TSPAN7: variants seen among roughly 807,000 people sequenced by gnomAD.
The protein encoded by TSPAN7 is tetraspanin 7.
A neutral mutation model predicts 17.6 loss-of-function variants in TSPAN7; 1 was observed. That is an observed-to-expected ratio of 0.06 (90% confidence interval 0.02 to 0.27). The LOEUF (loss-of-function observed/expected upper bound fraction) is 0.27. Among genes scored for constraint, TSPAN7 ranks in the 10% least tolerant of loss-of-function variants. TSPAN7 has a pLI of 1.00. For synonymous variants in TSPAN7, 78 were observed against 79.0 expected (o/e 0.99, Z 0.07); for missense variants, 112 against 201.7 (o/e 0.56, Z 2.69).
intron 2 of TSPAN7, among the ~76,000 whole-genome samples, chrX:38,670,441 A>T (rs1255916685): frequency 8.9e-6 from 1 of 112,292 alleles, no homozygotes; most frequent in Non-Finnish European, 1.9e-5. Flanking sequence ...TATCAGCAGC[A>T]TGAGATGAAA....
intron 1 of TSPAN7, among the ~76,000 whole-genome samples, chrX:38,567,448 T>A (rs1457824586): frequency 8.9e-6 from 1 of 112,380 alleles, no homozygotes; most frequent in South Asian, 3.7e-4. Flanking sequence ...GGGAAAAACC[T>A]ACCTTCATGA....
intron 1 of TSPAN7, among the ~76,000 whole-genome samples, chrX:38,601,782 C>T (rs1158066079): frequency 8.9e-6 from 1 of 111,733 alleles, no homozygotes; most frequent in Non-Finnish European, 1.9e-5. Flanking sequence ...GGGCTTGACT[C>T]AGCTGGGATG....
At chrX:38,631,372 G>A (rs1248172092) in intron 1 of TSPAN7, among the ~76,000 whole-genome samples, 1 of 111,157 alleles carries the variant, frequency 9.0e-6, no homozygotes, top group Non-Finnish European at 1.9e-5. Flanking sequence ...TTTAAAAAAA[G>A]GAAAGAGAAA....
chrX:38,621,879 T>C (rs1012664488), intron 1 of TSPAN7, among the ~76,000 whole-genome samples: 2 of 112,526 alleles, frequency 1.8e-5, no homozygotes, highest in African/African-American at 6.5e-5. Context: ...TGTACTATAA[T>C]TACTTTCTCC....
chrX:38,621,259 C>T (rs933591193), intron 1 of TSPAN7, among the ~76,000 whole-genome samples: 1 of 112,283 alleles, frequency 8.9e-6, no homozygotes, highest in Admixed American at 9.4e-5. Context: ...CTTTTAAAGA[C>T]AATCCTGTTT....
intron 1 of TSPAN7, among the ~76,000 whole-genome samples, chrX:38,661,826 A>G (rs1158813429): frequency 1.2e-5 from 1 of 85,987 alleles, no homozygotes; most frequent in Non-Finnish European, 2.5e-5. Context: ...AGCAGGAGAG[A>G]GATGTTTTAA....
chrX:38,617,372 T>C (rs1159100625), intron 1 of TSPAN7, among the ~76,000 whole-genome samples: 1 of 112,811 alleles, frequency 8.9e-6, no homozygotes, highest in Non-Finnish European at 1.9e-5. Flanking sequence ...CAAATTTATA[T>C]TGAGTAAAGG....
At chrX:38,626,330 G>A (rs951303214) in intron 1 of TSPAN7, among the ~76,000 whole-genome samples, 1 of 111,893 alleles carries the variant, frequency 8.9e-6, no homozygotes, top group Non-Finnish European at 1.9e-5. Context: ...CTGGATGATA[G>A]GGCATGGAAT....
chrX:38,630,204 G>A (rs1225288147), intron 1 of TSPAN7, among the ~76,000 whole-genome samples: 4 of 112,080 alleles, frequency 3.6e-5, no homozygotes, highest in East Asian at 2.8e-4. Context: ...AGTCTAAAAA[G>A]TGTTACCATG....
At chrX:38,569,346 C>G (rs1243588608) in intron 1 of TSPAN7, among the ~76,000 whole-genome samples, 1 of 110,168 alleles carries the variant, frequency 9.1e-6, no homozygotes, top group African/African-American at 3.3e-5. Context: ...GTATATAAAC[C>G]TTTGCTTAAG....
chrX:38,636,710 C>T (rs1320390356), intron 1 of TSPAN7, among the ~76,000 whole-genome samples: 1 of 110,157 alleles, frequency 9.1e-6, no homozygotes, highest in Non-Finnish European at 1.9e-5. Context: ...GAGTCTCACT[C>T]TGTCACCCAG....
intron 1 of TSPAN7, among the ~76,000 whole-genome samples, chrX:38,568,498 C>G (rs1219446931): frequency 9.0e-6 from 1 of 110,868 alleles, no homozygotes; most frequent in Non-Finnish European, 1.9e-5. Flanking sequence ...TATTCCAAGT[C>G]TTGTTCTTGT....
At chrX:38,687,756 C>A in intron 7 of TSPAN7, 82 bp downstream of exon 7, 2 of 804,424 alleles carry the variant, frequency 2.5e-6, no homozygotes, top group Non-Finnish European at 3.6e-6. Context: ...GGAGTACTCC[C>A]TGGCCATTGA....
intron 1 of TSPAN7, among the ~76,000 whole-genome samples, chrX:38,634,362 C>T (rs1441264492): frequency 1.8e-5 from 2 of 112,417 alleles, no homozygotes; most frequent in African/African-American, 3.2e-5. Context: ...TATCATTCCA[C>T]AACTCATGCA....
At chrX:38,609,122 C>G (rs1052184728) in intron 1 of TSPAN7, among the ~76,000 whole-genome samples, 2 of 112,371 alleles carry the variant, frequency 1.8e-5, no homozygotes, top group Non-Finnish European at 3.8e-5. Flanking sequence ...TTTACACACT[C>G]TCTCAGCAGT....
At chrX:38,588,432 C>CT (rs2069271487) in intron 1 of TSPAN7, among the ~76,000 whole-genome samples, 1 of 111,503 alleles carries the variant, frequency 9.0e-6, no homozygotes, top group African/African-American at 3.3e-5. Flanking sequence ...TTTAGGCAAA[C>CT]TATCAACAGT....
intron 3 of TSPAN7, among the ~76,000 whole-genome samples, chrX:38,673,777 G>T (rs983169993): frequency 9.0e-6 from 1 of 111,065 alleles, no homozygotes; most frequent in African/African-American, 3.3e-5. Context: ...GTAAAACAGG[G>T]ATCAGTTTTT....
intron 1 of TSPAN7, among the ~76,000 whole-genome samples, chrX:38,633,539 T>C (rs921597039): frequency 3.5e-4 from 39 of 112,800 alleles, no homozygotes; most frequent in African/African-American, 1.2e-3. Context: ...ATATAGCTAC[T>C]TCTCCAAGTA....
At chrX:38,563,192 G>A in intron 1 of TSPAN7, 1 of 864,569 alleles carries the variant, frequency 1.2e-6, no homozygotes, top group Non-Finnish European at 1.5e-6. Flanking sequence ...AGCTAGGATA[G>A]ATTAACTGGC....
Sources: gnomAD v4.1 joint callset for allele counts (sites outside exome capture counted in the v4.1 genomes callset) on GRCh38, gnomAD v4.1.1 for gene constraint, MANE v1.5 for transcripts, NCBI Gene and HGNC (gene_info 2026-07-23, HGNC 2026-07-21) for gene names.